NSMCE1: variants seen among roughly 807,000 people sequenced by gnomAD.
NSMCE1 encodes the protein NSE1 component of SMC5/6 complex.
In NSMCE1, 18 loss-of-function variants were observed where a neutral mutation model predicts 29.6. That is an observed-to-expected ratio of 0.61 (90% CI 0.42 to 0.90). The LOEUF is 0.90. Among genes scored for constraint, NSMCE1 ranks in the 40% least tolerant of loss-of-function variants. NSMCE1 has a pLI of 0.00. For synonymous variants in NSMCE1, 124 were observed against 133.4 expected, an observed-to-expected ratio of 0.93 and a Z score of 0.49; for missense variants, 314 against 343.6, an observed-to-expected ratio of 0.91 and a Z score of 0.68.
intron 7 of NSMCE1, among the ~76,000 whole-genome samples, chr16:27,225,459 T>C (rs2083678698): frequency 6.6e-6 from 1 of 152,200 alleles, no homozygotes; most frequent in South Asian, 2.1e-4. Context: ...GTCCCCCTCC[T>C]GAGAGGGCTG....
intron 2 of NSMCE1, among the ~76,000 whole-genome samples, chr16:27,252,522 G>A (rs1161709652): frequency 2.0e-5 from 3 of 152,188 alleles, no homozygotes; most frequent in Non-Finnish European, 4.4e-5. Context: ...AGTGGCTCAC[G>A]CCTGAATCCC....
chr16:27,268,695 A>T lies in NSMCE1; in HGVS notation c.-12+11T>A, dbSNP rs1460747726. On this transcript the variant is annotated intron_variant, in intron 1 of 7. Coordinates refer to ENST00000361439, the MANE Select transcript of NSMCE1 (RefSeq NM_145080.4). Reference sequence around the variant, plus strand: ...TTTCCCCTCCAACCCCTAGCTCCCCACGTTACCCACCAGGGAGCCCAAGCG... The same window carrying T: ...TTTCCCCTCCAACCCCTAGCTCCCCTCGTTACCCACCAGGGAGCCCAAGCG... 1 of 151,740 alleles carries T rather than the reference A, an allele frequency of 6.6e-6. No individual in the cohort carries two copies. Among genetic ancestry groups the T allele is most frequent in the Non-Finnish European group, 1.5e-5 (1 of 67,858 alleles). The allele number at this position is 151,740 out of a possible 1,614,324, so 9.4% of individuals were successfully genotyped here. A position where few individuals can be genotyped will look rare whatever the true frequency, so the allele number is the denominator to read the frequency against.
chr16:27,259,649 C>T (rs893083001), intron 1 of NSMCE1, among the ~76,000 whole-genome samples: 2 of 152,082 alleles, frequency 1.3e-5, no homozygotes, highest in Non-Finnish European at 1.5e-5. Flanking sequence ...GAGGTATCAC[C>T]GAGGCTTGGC....
chr16:27,239,138 G>A (rs2083861483), intron 2 of NSMCE1, among the ~76,000 whole-genome samples: 1 of 152,076 alleles, frequency 6.6e-6, no homozygotes, highest in African/African-American at 2.4e-5. Flanking sequence ...CCCAAGTTTT[G>A]GGATTACAGG....
rs1196250484 is a variant in NSMCE1, at chr16:27,232,253, T to A, written c.483+748A>T. On this transcript the variant is annotated intron_variant, in intron 5 of 7. Coordinates refer to ENST00000361439, the MANE Select transcript of NSMCE1 (RefSeq NM_145080.4). This position sits in a 1 kb window ranked among gnomAD's most constrained non-coding sequence, Gnocchi z 4.5. Reference sequence around the variant, plus strand: ...CACAAGCACCTGGGAGGCACAGCTGTGGTCAACTCGGCAAACACTGAGCTG... The same window carrying A: ...CACAAGCACCTGGGAGGCACAGCTGAGGTCAACTCGGCAAACACTGAGCTG... 6.6e-6 allele frequency among the ~76,000 whole-genome samples: 1 copy of A among 152,064 alleles called. No homozygotes were observed. The highest frequency in any genetic ancestry group is 1.5e-5 in the Non-Finnish European group (1 of 68,006).
intron 2 of NSMCE1, among the ~76,000 whole-genome samples, chr16:27,248,556 A>AC (rs1413225721): frequency 6.6e-6 from 1 of 150,696 alleles, no homozygotes; most frequent in Non-Finnish European, 1.5e-5. Context: ...GACTACAGGC[A>AC]CCCGCCACCA....
At chr16:27,246,586 G>A (rs2083960975) in intron 2 of NSMCE1, among the ~76,000 whole-genome samples, 1 of 152,146 alleles carries the variant, frequency 6.6e-6, no homozygotes, top group Non-Finnish European at 1.5e-5. Context: ...TGCCTCCCGG[G>A]TTCAAGGGAT....
chr16:27,244,134 C>T (rs1390685702), intron 2 of NSMCE1, among the ~76,000 whole-genome samples: 1 of 152,228 alleles, frequency 6.6e-6, no homozygotes, highest in Non-Finnish European at 1.5e-5. Flanking sequence ...GGAGTCTCTG[C>T]TAAACCCAAG....
In NSMCE1 at chr16:27,226,714, G is replaced by C. The variant is rs769526614; in HGVS notation, c.600+6C>G. On this transcript the variant is annotated splice_donor_region_variant and intron_variant, in intron 6 of 7. Coordinates refer to ENST00000361439, the MANE Select transcript of NSMCE1 (RefSeq NM_145080.4). ...GATGAGCTCCCGTGCCCTGCCCTGC[G>C]GGTACCTGGATGAGGAGGCTGTGAC... 6.3e-7 allele frequency: 1 copy of C among 1,593,562 alleles called. No individual in the cohort carries two copies. Among genetic ancestry groups the C allele is most frequent in the East Asian group, 2.2e-5 (1 of 44,788 alleles).
chr16:27,235,118 T>C, intron 3 of NSMCE1, 60 bp downstream of exon 3: 7 of 1,565,504 alleles, frequency 4.5e-6, no homozygotes, highest in Non-Finnish European at 5.2e-6. Context: ...AAACACAGGC[T>C]GCCTGGGCCC....
chr16:27,225,293 G>T, intron 7 of NSMCE1, 57 bp from the exon 8 acceptor site: 1 of 1,039,032 alleles, frequency 9.6e-7, no homozygotes, highest in Non-Finnish European at 1.5e-6. Flanking sequence ...CAGCACAGGG[G>T]CACCAGCTGG....
intron 5 of NSMCE1, among the ~76,000 whole-genome samples, 200 bp from the exon 6 acceptor site, chr16:27,227,036 A>G (rs1005374513): frequency 6.6e-6 from 1 of 152,228 alleles, no homozygotes; most frequent in South Asian, 2.1e-4. Flanking sequence ...AAGACCCTAA[A>G]GACATGGAGG....
intron 5 of NSMCE1, among the ~76,000 whole-genome samples, chr16:27,227,783 C>CTTTTTTTTTTT (rs1239133211): frequency 1.7e-4 from 11 of 65,966 alleles, no homozygotes; most frequent in South Asian, 6.2e-4. Context: ...CTTTTCTTTT[C>CTTTTTTTTTTT]TTTTTTTTTT....
chr16:27,263,214 A>G (rs1567285918), intron 1 of NSMCE1, among the ~76,000 whole-genome samples: 1 of 152,244 alleles, frequency 6.6e-6, no homozygotes, highest in Non-Finnish European at 1.5e-5. Context: ...AGAGGAACAG[A>G]AATATTCTAC....
chr16:27,257,261 A>T, intron 2 of NSMCE1, 174 bp downstream of exon 2: 1 of 508,154 alleles, frequency 2.0e-6, no homozygotes, highest in Non-Finnish European at 3.3e-6. Flanking sequence ...TACTTGGAAA[A>T]AAAATAAAAG....
At chr16:27,253,401 G>A (rs1302896489) in intron 2 of NSMCE1, among the ~76,000 whole-genome samples, 1 of 152,196 alleles carries the variant, frequency 6.6e-6, no homozygotes, top group Non-Finnish European at 1.5e-5. Context: ...AGTAGTGTTA[G>A]AAAAGATACC....
intron 5 of NSMCE1, among the ~76,000 whole-genome samples, chr16:27,229,484 C>T (rs1414102492): frequency 6.6e-6 from 1 of 152,252 alleles, no homozygotes; most frequent in Non-Finnish European, 1.5e-5. Context: ...TAAACACCCA[C>T]GGGAAGATGA....
intron 2 of NSMCE1, among the ~76,000 whole-genome samples, chr16:27,256,707 A>G (rs933266986): frequency 2.6e-5 from 4 of 152,092 alleles, no homozygotes; most frequent in African/African-American, 9.7e-5. Context: ...ACTTAGCACC[A>G]TGTCCTGTCT....
Position 27,235,194 on chromosome 16 carries a change from C to T in NSMCE1, c.242G>A (p.Arg81Lys), listed in dbSNP as rs1159086597. Residue 81 changes from arginine to lysine, a missense_variant, in exon 3 of 8, where the codon AGA (arginine) becomes AAA (lysine). Coordinates refer to ENST00000361439, the MANE Select transcript of NSMCE1 (RefSeq NM_145080.4). ...GGCACTCACCAACGCATAAATGGGT[C>T]TCCCATCATCTTCCGTGACTCCTCT... Reference protein sequence around the residue: ...IKRGVTEDDGRPIYALVNLAT... With the variant: ...IKRGVTEDDGKPIYALVNLAT... 1 of 1,614,002 alleles carries T rather than the reference C, an allele frequency of 6.2e-7. No individual in the cohort carries two copies. The highest frequency in any genetic ancestry group is 8.5e-7 in the Non-Finnish European group (1 of 1,179,968).
Sources: gnomAD v4.1 joint callset for allele counts (sites outside exome capture counted in the v4.1 genomes callset) on GRCh38, gnomAD v4.1.1 for gene constraint, Gnocchi (gnomAD v3.1) non-coding constraint, MANE v1.5 for transcripts, NCBI Gene and HGNC (gene_info 2026-07-23, HGNC 2026-07-21) for gene names.